The following PBX1 variants were observed in gnomAD, a reference collection of about 807,000 sequenced individuals.
PBX1 encodes the protein pre-B-cell leukemia transcription factor 1.
In PBX1, 6 loss-of-function variants were observed where a neutral mutation model predicts 53.4. That is an observed-to-expected ratio of 0.11 (90% CI 0.06 to 0.22). The LOEUF (loss-of-function observed/expected upper bound fraction) is 0.22, where lower values mean the gene tolerates loss of function less well. PBX1 is among the 10% of genes least tolerant of loss of function. The pLI is 1.00. For missense variants in PBX1, 251 were observed against 551.4 expected, an observed-to-expected ratio of 0.46 and a Z score of 5.46; for synonymous variants, 204 against 212.3, an observed-to-expected ratio of 0.96 and a Z score of 0.34.
chr1:164,763,607 C>T (rs988680064), intron 2 of PBX1, among the ~76,000 whole-genome samples: 1 of 152,070 alleles, frequency 6.6e-6, no homozygotes, highest in Non-Finnish European at 1.5e-5. Flanking sequence ...AAAGATAGAC[C>T]GAGGAGTCAT....
chr1:164,645,244 T>C (rs893183953), intron 2 of PBX1, among the ~76,000 whole-genome samples: 1 of 152,142 alleles, frequency 6.6e-6, no homozygotes, highest in African/African-American at 2.4e-5. Context: ...ATTCCCCCCC[T>C]TCTTTTGGTG....
At chr1:164,561,993 G>C (rs539765441) in intron 1 of PBX1, among the ~76,000 whole-genome samples, 1 of 150,602 alleles carries the variant, frequency 6.6e-6, no homozygotes, top group Non-Finnish European at 1.5e-5. Context: ...TAAAATCAAC[G>C]CTAAGCTTTC....
chr1:164,719,395 C>T (rs1664282257), intron 2 of PBX1, among the ~76,000 whole-genome samples: 1 of 152,134 alleles, frequency 6.6e-6, no homozygotes, highest in Non-Finnish European at 1.5e-5. Context: ...ACAGCCAGAA[C>T]CTGGACATCA....
chr1:164,840,619 T>A lies in PBX1; in HGVS notation c.1201-5965T>A, dbSNP rs186726215. On this transcript the variant is annotated intron_variant, in intron 8 of 8. Coordinates refer to ENST00000420696, the MANE Select transcript of PBX1 (RefSeq NM_002585.4). Reference sequence around the variant, plus strand: ...TCCTTGTTAAGATGGTGTGCTAAGCTGTGGCACTGCAACTGTCAGGTTCCA... The same window carrying A: ...TCCTTGTTAAGATGGTGTGCTAAGCAGTGGCACTGCAACTGTCAGGTTCCA... Among the ~76,000 whole-genome samples, 60 of 152,302 alleles carry A rather than the reference T, an allele frequency of 3.9e-4. 2 individuals are homozygous for A. In the East Asian group the frequency reaches 0.01, roughly 26 times the overall value.
chr1:164,729,166 G>T (rs1266570486), intron 2 of PBX1, among the ~76,000 whole-genome samples: 3 of 152,168 alleles, frequency 2.0e-5, no homozygotes, highest in Admixed American at 2.0e-4. Flanking sequence ...GTTTAAAAAA[G>T]TAAAAAATAA....
intron 2 of PBX1, chr1:164,590,359 G>A (rs774648111): frequency 2.2e-6 from 1 of 455,898 alleles, no homozygotes; most frequent in African/African-American, 2.0e-5. Flanking sequence ...CATGCTCCTT[G>A]TTTTCTTTGT....
chr1:164,680,587 G>C (rs956311293), intron 2 of PBX1: 1 of 152,184 alleles, frequency 6.6e-6, no homozygotes, highest in Non-Finnish European at 1.5e-5. Context: ...AAATAGGAAA[G>C]AAGATCACAG....
At chr1:164,691,169 C>T (rs1662457933) in intron 2 of PBX1, among the ~76,000 whole-genome samples, 1 of 151,850 alleles carries the variant, frequency 6.6e-6, no homozygotes, top group African/African-American at 2.4e-5. Flanking sequence ...CATGCACCAC[C>T]ATGCCCGGCT....
Position 164,688,929 on chromosome 1 carries a change from C to T in PBX1, c.266-103565C>T, listed in dbSNP as rs560124495. The stretch of plus-strand genomic sequence containing the variant: ...ACTAAGGAATAGGAGGGAACAACCC[C>T]GTCTTGCCTCATCCCTGCTCTCTCA... On this transcript the variant is annotated intron_variant, in intron 2 of 8. Coordinates refer to ENST00000420696, the MANE Select transcript of PBX1 (RefSeq NM_002585.4). Among the ~76,000 whole-genome samples the T allele has an allele frequency of 3.3e-5, 5 of 152,330 alleles. No individual in the cohort carries two copies. In the East Asian group the frequency reaches 5.8e-4, roughly 18 times the overall value.
chr1:164,835,104 T>C (rs1670968914), intron 8 of PBX1, among the ~76,000 whole-genome samples: 1 of 152,188 alleles, frequency 6.6e-6, no homozygotes, highest in African/African-American at 2.4e-5. Flanking sequence ...AAATGTGTTA[T>C]GAATATTTTC....
intron 2 of PBX1, among the ~76,000 whole-genome samples, chr1:164,595,104 AC>A (rs1285417733): frequency 6.6e-6 from 1 of 152,232 alleles, no homozygotes; most frequent in Non-Finnish European, 1.5e-5. Context: ...AGACAGTACC[AC>A]GTCTGAACCT....
At chr1:164,586,991 G>A (rs1022569115) in intron 2 of PBX1, among the ~76,000 whole-genome samples, 1 of 152,172 alleles carries the variant, frequency 6.6e-6, no homozygotes, top group Non-Finnish European at 1.5e-5. Context: ...CCCAATTTCA[G>A]CAGCAGCTCT....
At chr1:164,664,918 T>C (rs1293843520) in intron 2 of PBX1, among the ~76,000 whole-genome samples, 1 of 146,902 alleles carries the variant, frequency 6.8e-6, no homozygotes, top group Middle Eastern at 3.3e-3. Flanking sequence ...CCACAATACA[T>C]GGGAATTCAA....
At chr1:164,621,589 A>G (rs1657682144) in intron 2 of PBX1, among the ~76,000 whole-genome samples, 1 of 152,160 alleles carries the variant, frequency 6.6e-6, no homozygotes, top group South Asian at 2.1e-4. Flanking sequence ...ACACAAGGCT[A>G]CTGGACTGAA....
chr1:164,766,739 T>A (rs200971125), intron 2 of PBX1, among the ~76,000 whole-genome samples: 35 of 44,414 alleles, frequency 7.9e-4, no homozygotes, highest in South Asian at 6.8e-3. Flanking sequence ...TATTTATTTA[T>A]TTTTTTTTTT....
At position 164,689,468 on chromosome 1, in the gene PBX1, G is replaced by A. The variant is rs180678739; in HGVS notation, c.266-103026G>A. Among the ~76,000 whole-genome samples, 34 of 152,218 alleles carry A rather than the reference G, an allele frequency of 2.2e-4. No individual in the cohort carries two copies. In the East Asian group the frequency reaches 5.8e-3, roughly 26 times the overall value. On this transcript the variant is annotated intron_variant, in intron 2 of 8. Coordinates refer to ENST00000420696, the MANE Select transcript of PBX1 (RefSeq NM_002585.4). Reference sequence around the variant, plus strand: ...CCAGGCGTATTAATCATCTCCTTGAGGGAGGAAATGAAGGGAATGGGCGAG... The same window carrying A: ...CCAGGCGTATTAATCATCTCCTTGAAGGAGGAAATGAAGGGAATGGGCGAG...
At chr1:164,791,945 C>T (rs1668531576) in intron 2 of PBX1, among the ~76,000 whole-genome samples, 1 of 152,072 alleles carries the variant, frequency 6.6e-6, no homozygotes, top group Non-Finnish European at 1.5e-5. Context: ...CTGCCTCAGC[C>T]TCCCGAGTAG....
At chr1:164,786,716 T>TGCGCGC (rs779103356) in intron 2 of PBX1, among the ~76,000 whole-genome samples, 1,635 of 99,342 alleles carry the variant, frequency 0.016, 17 homozygotes, top group East Asian at 0.035. Context: ...TGTGTGTGTG[T>TGCGCGC]GTGTGCGCGC....
intron 2 of PBX1, among the ~76,000 whole-genome samples, chr1:164,690,558 G>GA: frequency 6.6e-6 from 1 of 150,984 alleles, no homozygotes; most frequent in South Asian, 2.1e-4. Flanking sequence ...CTTGAGCTTA[G>GA]AAGTTTGAGA....
Sources: allele counts gnomAD v4.1 joint callset (sites outside exome capture counted in the v4.1 genomes callset), GRCh38; gene constraint gnomAD v4.1.1; transcripts MANE v1.5; gene names NCBI Gene and HGNC (gene_info 2026-07-23, HGNC 2026-07-21).